Variants in ANKRD17 observed in about 807,000 individuals in gnomAD.
ANKRD17 encodes the protein ankyrin repeat domain 17.
Under a neutral mutation model 229.7 loss-of-function variants are expected in ANKRD17, and 19 were observed. That is an observed-to-expected ratio of 0.08 (90% CI 0.06 to 0.12). ANKRD17 has a LOEUF of 0.12. Ranked by LOEUF, ANKRD17 falls within the 10% of genes least tolerant of loss-of-function variation. ANKRD17 has a pLI of 1.00. For synonymous variants in ANKRD17, 1,112 were observed against 1,146.1 expected (o/e 0.97, Z 0.60); for missense variants, 2,176 against 3,176.8 (o/e 0.68, Z 7.57).
At chr4:73,166,932 G>A (rs962913315) in intron 2 of ANKRD17, among the ~76,000 whole-genome samples, 2 of 151,972 alleles carry the variant, frequency 1.3e-5, no homozygotes, top group Admixed American at 6.6e-5. Flanking sequence ...GAAAATAATT[G>A]AAGAAATCTC....
chr4:73,097,178 T>A lies in ANKRD17; in HGVS notation c.5116A>T (p.Thr1706Ser). Residue 1706 changes from threonine (T) to serine (S), a missense_variant, in exon 27 of 34, where the codon ACA becomes TCA. Physicochemically the swap from Thr to Ser is moderately conservative, Grantham distance 58 (BLOSUM62 1). This residue lies in a region of ANKRD17 where 98 missense variants were observed against 101.0 expected (regional missense o/e 0.97). Transcript: ENST00000358602. Reference sequence around the variant, plus strand: ...TGCCCACGCTTAGGACTTGCTACTGTTAACTTCCCATTTGGAGAAGAAAGG... The same window carrying A: ...TGCCCACGCTTAGGACTTGCTACTGATAACTTCCCATTTGGAGAAGAAAGG... ...SPLSSPNGKLTVASPKRGQKR... is the reference protein window; with the variant it reads ...SPLSSPNGKLSVASPKRGQKR... The A allele has an allele frequency of 2.5e-6, 4 of 1,612,664 alleles. No homozygotes were observed. The highest frequency in any genetic ancestry group is 3.4e-6 in the Non-Finnish European group (4 of 1,179,492).
At position 73,222,647 on chromosome 4, in the gene ANKRD17, C is replaced by CA. The variant is rs781213610; in HGVS notation, c.393+35628dup. Among the ~76,000 whole-genome samples, 17 of 152,274 alleles carry CA rather than the reference C, an allele frequency of 1.1e-4. No individual in the cohort carries two copies. The East Asian group carries it at 2.9e-3, about 26-fold the overall frequency. On this transcript the variant is annotated intron_variant, in intron 1 of 33. Transcript: ENST00000358602. ...CTAAACCTTACTCAAAGCTGCTTTG[C>CA]AGACCCCACCTTCTAATGAGTTAAT...
intron 3 of ANKRD17, among the ~76,000 whole-genome samples, chr4:73,158,172 G>GAAAGAAAGAAAGAAAGAAAGAAAA (rs1731989864): frequency 6.6e-6 from 1 of 150,876 alleles, no homozygotes; most frequent in Non-Finnish European, 1.5e-5. Context: ...AAGAAAGAAA[G>GAAAGAAAGAAAGAAAGAAAGAAAA]AAAGAAAGAA....
At chr4:73,119,390 C>A (rs1726416591) in intron 21 of ANKRD17, among the ~76,000 whole-genome samples, 1 of 152,092 alleles carries the variant, frequency 6.6e-6, no homozygotes, top group Non-Finnish European at 1.5e-5. Context: ...TTTGACCATC[C>A]CTAATCTGAA....
intron 30 of ANKRD17, among the ~76,000 whole-genome samples, chr4:73,082,475 C>T (rs1212994134): frequency 6.6e-6 from 1 of 151,928 alleles, no homozygotes; most frequent in Non-Finnish European, 1.5e-5. Flanking sequence ...GCCTGGGTGA[C>T]AGAGACAGAA....
chr4:73,109,026 T>C (rs1407271907), intron 24 of ANKRD17, among the ~76,000 whole-genome samples: 2 of 152,160 alleles, frequency 1.3e-5, no homozygotes, highest in African/African-American at 4.8e-5. Flanking sequence ...AGGCTGGGCA[T>C]GATGGCTCAC....
At chr4:73,197,352 A>G (rs1738024784) in intron 1 of ANKRD17, among the ~76,000 whole-genome samples, 1 of 152,240 alleles carries the variant, frequency 6.6e-6, no homozygotes, top group South Asian at 2.1e-4. Context: ...CAATCTGTAA[A>G]ACACCACATT....
At chr4:73,197,006 C>A (rs1487899034) in intron 1 of ANKRD17, among the ~76,000 whole-genome samples, 1 of 151,908 alleles carries the variant, frequency 6.6e-6, no homozygotes, top group Non-Finnish European at 1.5e-5. Context: ...AAGACAAAAT[C>A]CCATAATTTA....
At chr4:73,098,734 T>C in intron 25 of ANKRD17, 1 of 953,046 alleles carries the variant, frequency 1.0e-6, no homozygotes, top group Non-Finnish European at 1.7e-6. Flanking sequence ...TTATAAAAAA[T>C]ATTTTGGGGG....
At chr4:73,222,934 C>G in intron 1 of ANKRD17, 1 of 1,438,862 alleles carries the variant, frequency 6.9e-7, no homozygotes, top group Non-Finnish European at 9.4e-7. Flanking sequence ...TTTCTTTGTT[C>G]AGATTTCAAC....
chr4:73,193,067 C>T (rs1177556316), intron 1 of ANKRD17, among the ~76,000 whole-genome samples: 1 of 152,056 alleles, frequency 6.6e-6, no homozygotes, highest in East Asian at 1.9e-4. Context: ...AAAAATTTGT[C>T]CTGTCCATTT....
At chr4:73,205,377 C>CT (rs1739306327) in intron 1 of ANKRD17, among the ~76,000 whole-genome samples, 1 of 152,042 alleles carries the variant, frequency 6.6e-6, no homozygotes. Context: ...ACCAAAACTG[C>CT]ATGACACTAG....
At chr4:73,187,502 G>GT (rs1201176897) in intron 1 of ANKRD17, among the ~76,000 whole-genome samples, 3 of 152,194 alleles carry the variant, frequency 2.0e-5, no homozygotes, top group African/African-American at 7.2e-5. Context: ...CTCTGTTAGA[G>GT]TATATGCCAT....
At position 73,219,303 on chromosome 4, in the gene ANKRD17, T is replaced by C. The variant is rs148741967; in HGVS notation, c.393+38973A>G. ...GGTATAGTATAGAAATGATGTGCAT[T>C]ACATATAACAATGTGCCTTACAGAA... On this transcript the variant is annotated intron_variant, in intron 1 of 33. Transcript: ENST00000358602. Among the ~76,000 whole-genome samples, 411 of 152,308 alleles carry C rather than the reference T, an allele frequency of 2.7e-3. 2 individuals carry two copies. The highest frequency in any genetic ancestry group is 9.4e-3 in the African/African-American group (390 of 41,572).
intron 25 of ANKRD17, 116 bp from the exon 26 acceptor site, chr4:73,098,636 G>T (rs1723582865): frequency 9.9e-7 from 1 of 1,005,556 alleles, no homozygotes; most frequent in Non-Finnish European, 1.5e-6. Flanking sequence ...TATTAGCCAT[G>T]TAAGTTATTC....
In ANKRD17 at chr4:73,236,645, T is replaced by C. The variant is rs141226784; in HGVS notation, c.393+21631A>G. 3.9e-5 allele frequency among the ~76,000 whole-genome samples: 6 copies of C among 152,022 alleles called. 1 individual carries two copies. The highest frequency in any genetic ancestry group is 2.1e-4 in the South Asian group (1 of 4,808). The stretch of plus-strand genomic sequence containing the variant: ...CATGACCTAAAAAAGGTAAAGAAAA[T>C]TGATCCTGACTGGGAAAAAAAAAAT... On this transcript the variant is annotated intron_variant, in intron 1 of 33. Coordinates refer to ENST00000358602, the MANE Select transcript of ANKRD17 (RefSeq NM_032217.5).
At position 73,098,443 on chromosome 4, in the gene ANKRD17, A is replaced by G. The variant is rs1369651055; in HGVS notation, c.4651T>C (p.Leu1551=). The G allele has an allele frequency of 1.2e-6, 2 of 1,614,148 alleles. No individual in the cohort carries two copies. Among genetic ancestry groups the G allele is most frequent in the Admixed American group, 1.7e-5 (1 of 60,014 alleles). Residue 1551 remains leucine (L), a synonymous_variant, in exon 26 of 34, where the codon TTG becomes CTG. Transcript: ENST00000358602. ...TTTCTTTTACCATGAGAACCTGCCA[A>G]AGTTGTCCAGGTTGCAGATATACCT... ...TIGISATWTT[L]AGSHGKRNNT...
intron 1 of ANKRD17, among the ~76,000 whole-genome samples, chr4:73,218,984 C>T (rs190781802): frequency 7.9e-5 from 12 of 152,188 alleles, no homozygotes; most frequent in African/African-American, 2.9e-4. Flanking sequence ...TCACTTGAAC[C>T]CAGGAGGCAG....
intron 30 of ANKRD17, among the ~76,000 whole-genome samples, chr4:73,081,366 G>C (rs76032760): frequency 1.3e-5 from 2 of 152,222 alleles, no homozygotes; most frequent in African/African-American, 4.8e-5. Context: ...CTAAGAGAGA[G>C]AGAGAGAGAG....
Sources: gnomAD v4.1 joint callset for allele counts (sites outside exome capture counted in the v4.1 genomes callset) on GRCh38, gnomAD v4.1.1 for gene constraint, gnomAD v4.1.1 regional missense constraint, MANE v1.5 for transcripts, NCBI Gene and HGNC (gene_info 2026-07-23, HGNC 2026-07-21) for gene names.